The following PLD1 variants were observed in gnomAD, a reference collection of about 807,000 sequenced individuals.
PLD1 encodes the protein phospholipase D1, also known as choline phosphatase 1.
PLD1 carries 112 observed loss-of-function variants against 137.1 expected under a neutral mutation model. The observed-to-expected ratio is 0.82, with a 90% CI of 0.70 to 0.96. The LOEUF (loss-of-function observed/expected upper bound fraction) is 0.96. Among genes scored for constraint, PLD1 ranks in the 40% least tolerant of loss-of-function variants. The pLI, the probability that PLD1 is intolerant of heterozygous loss-of-function variation, is 0.00. For missense variants in PLD1, 1,321 were observed against 1,342.0 expected, an observed-to-expected ratio of 0.98 and a Z score of 0.24; for synonymous variants, 431 against 454.7, an observed-to-expected ratio of 0.95 and a Z score of 0.66.
intron 1 of PLD1, among the ~76,000 whole-genome samples, chr3:171,774,717 T>C (rs922543451): frequency 6.6e-6 from 1 of 152,184 alleles, no homozygotes; most frequent in Admixed American, 6.5e-5. Flanking sequence ...GCATGCGCAC[T>C]GGCTCCCTTG....
At chr3:171,789,457 C>A (rs1478982196) in intron 1 of PLD1, 1 of 152,168 alleles carries the variant, frequency 6.6e-6, no homozygotes, top group Non-Finnish European at 1.5e-5. Flanking sequence ...AGAAAGATGG[C>A]TCTGTAAAAC....
At position 171,729,358 on chromosome 3, in the gene PLD1, T is replaced by C. The variant is rs545938654; in HGVS notation, c.607-3282A>G. On this transcript the variant is annotated intron_variant, in intron 6 of 26. Transcript: ENST00000351298. Reference sequence around the variant, plus strand: ...TCTACCAATTGGATACTAAAAACGTTAGAGAAACAGAGAAGCAAAAATATT... The same window carrying C: ...TCTACCAATTGGATACTAAAAACGTCAGAGAAACAGAGAAGCAAAAATATT... Among the ~76,000 whole-genome samples, 31 of 152,258 alleles carry C rather than the reference T, an allele frequency of 2.0e-4. No homozygotes were observed. In the South Asian group the frequency reaches 4.8e-3, roughly 23 times the overall value.
chr3:171,737,662 A>C lies in PLD1; in HGVS notation c.161-3T>G. On this transcript the variant is annotated splice_polypyrimidine_tract_variant and splice_region_variant and intron_variant, in intron 2 of 26. Transcript: ENST00000351298. ...AATAGCAGAGAAAGGGATATACACT[A>C]AAAAAAAAAGTAAATAAAGTTAATG... 9.9e-7 allele frequency: 1 copy of C among 1,009,710 alleles called. No homozygotes were observed. The allele number at this position is 1,009,710 out of a possible 1,614,324, so 62.5% of individuals were successfully genotyped here.
At chr3:171,780,206 G>A (rs1210302529) in intron 1 of PLD1, among the ~76,000 whole-genome samples, 1 of 151,008 alleles carries the variant, frequency 6.6e-6, no homozygotes, top group African/African-American at 2.5e-5. Flanking sequence ...ATAAGTCTGA[G>A]ATTCAGAACT....
At chr3:171,688,045 T>C (rs1206082065) in intron 14 of PLD1, among the ~76,000 whole-genome samples, 1 of 152,244 alleles carries the variant, frequency 6.6e-6, no homozygotes, top group African/African-American at 2.4e-5. Flanking sequence ...AATAAGTGTA[T>C]TCATATTCTG....
intron 6 of PLD1, among the ~76,000 whole-genome samples, chr3:171,730,626 T>C (rs1375921989): frequency 6.6e-6 from 1 of 150,890 alleles, no homozygotes; most frequent in Non-Finnish European, 1.5e-5. Context: ...ACAAACACCT[T>C]TATAATAAAT....
At chr3:171,764,866 A>AGGAAG (rs796566714) in intron 1 of PLD1, among the ~76,000 whole-genome samples, 3 of 23,028 alleles carry the variant, frequency 1.3e-4, no homozygotes, top group Admixed American at 5.4e-4. Flanking sequence ...AAAGAAAGAA[A>AGGAAG]GAAAGAAAGA....
At chr3:171,767,983 G>A (rs1333065248) in intron 1 of PLD1, among the ~76,000 whole-genome samples, 2 of 151,528 alleles carry the variant, frequency 1.3e-5, no homozygotes, top group African/African-American at 4.8e-5. Flanking sequence ...AACAGTGACT[G>A]CACTTAGGAA....
chr3:171,620,321 A>C, intron 24 of PLD1, 65 bp downstream of exon 24: 1 of 1,243,612 alleles, frequency 8.0e-7, no homozygotes, highest in Non-Finnish European at 1.1e-6. Context: ...AATAGCAGCA[A>C]ACATTTTTGC....
At chr3:171,727,977 G>A (rs1028188905) in intron 6 of PLD1, among the ~76,000 whole-genome samples, 1 of 152,108 alleles carries the variant, frequency 6.6e-6, no homozygotes, top group African/African-American at 2.4e-5. Flanking sequence ...TAAGTCAAAG[G>A]TATCTTCATA....
At chr3:171,770,119 C>A in intron 1 of PLD1, among the ~76,000 whole-genome samples, 1 of 152,072 alleles carries the variant, frequency 6.6e-6, no homozygotes, top group East Asian at 1.9e-4. Flanking sequence ...TTTCTCTGTG[C>A]TTAATTATAT....
intron 18 of PLD1, among the ~76,000 whole-genome samples, chr3:171,675,589 C>CTT (rs1335891127): frequency 1.3e-5 from 2 of 152,144 alleles, no homozygotes; most frequent in African/African-American, 4.8e-5. Context: ...TCAGCAGAGA[C>CTT]TTTTATCTTT....
intron 8 of PLD1, among the ~76,000 whole-genome samples, chr3:171,717,374 C>T (rs1717758496): frequency 6.6e-6 from 1 of 152,146 alleles, no homozygotes; most frequent in African/African-American, 2.4e-5. Flanking sequence ...TGTCACCTCT[C>T]ATTTCTTTGA....
At chr3:171,697,852 A>C (rs1296933603) in intron 12 of PLD1, among the ~76,000 whole-genome samples, 1 of 152,196 alleles carries the variant, frequency 6.6e-6, no homozygotes, top group African/African-American at 2.4e-5. Context: ...ACTTCTGCAG[A>C]TTTTATAAGC....
At chr3:171,738,566 A>C (rs899802698) in intron 1 of PLD1, among the ~76,000 whole-genome samples, 1 of 152,300 alleles carries the variant, frequency 6.6e-6, no homozygotes, top group Admixed American at 6.5e-5. Context: ...TGATAGCATA[A>C]TATTTCTACA....
intron 11 of PLD1, among the ~76,000 whole-genome samples, chr3:171,708,078 C>T (rs1212902085): frequency 6.6e-6 from 1 of 152,176 alleles, no homozygotes; most frequent in Admixed American, 6.5e-5. Flanking sequence ...CCATATCCAT[C>T]GTAGCCAGTG....
At chr3:171,691,270 C>T (rs1036155202) in intron 13 of PLD1, among the ~76,000 whole-genome samples, 7 of 152,094 alleles carry the variant, frequency 4.6e-5, no homozygotes, top group African/African-American at 1.7e-4. Context: ...GTCTACCAAT[C>T]TCTGTTTTTT....
chr3:171,734,659 C>T (rs775073515), intron 5 of PLD1, among the ~76,000 whole-genome samples: 6 of 152,160 alleles, frequency 3.9e-5, no homozygotes, highest in South Asian at 2.1e-4. Flanking sequence ...TAACCAAGAA[C>T]GCTCTTCCTC....
chr3:171,709,854 A>G, intron 9 of PLD1, 145 bp from the exon 10 acceptor site: 1 of 649,136 alleles, frequency 1.5e-6, no homozygotes, highest in Non-Finnish European at 2.6e-6. Context: ...TTTTGGTAGT[A>G]TTTCTAAAAA....
Sources: allele counts gnomAD v4.1 joint callset (sites outside exome capture counted in the v4.1 genomes callset), GRCh38; gene constraint gnomAD v4.1.1; transcripts MANE v1.5; gene names NCBI Gene and HGNC (gene_info 2026-07-23, HGNC 2026-07-21).